Variants in ZC3H12B observed in about 807,000 individuals in gnomAD.
The protein encoded by ZC3H12B is zinc finger CCCH-type containing 12B.
Under a neutral mutation model 43.9 loss-of-function variants are expected in ZC3H12B, and 7 were observed. That is an observed-to-expected ratio of 0.16 (90% CI 0.09 to 0.30). The LOEUF (loss-of-function observed/expected upper bound fraction) is 0.30. Among genes scored for constraint, ZC3H12B ranks in the 10% least tolerant of loss-of-function variants. ZC3H12B has a pLI of 1.00. For synonymous variants in ZC3H12B, 222 were observed against 241.7 expected, an observed-to-expected ratio of 0.92 and a Z score of 0.76; for missense variants, 475 against 670.2, an observed-to-expected ratio of 0.71 and a Z score of 3.22.
At chrX:65,309,510 T>C in the ZC3H12B span, among the ~76,000 whole-genome samples, 1 of 111,785 alleles carries the variant, frequency 8.9e-6, no homozygotes, top group African/African-American at 3.3e-5. Context: ...ATTAATAGCC[T>C]ACCAATCAAA....
the ZC3H12B span, among the ~76,000 whole-genome samples, chrX:65,244,021 ATATAGT>A: frequency 9.0e-6 from 1 of 111,665 alleles, no homozygotes; most frequent in Non-Finnish European, 1.9e-5. Context: ...GAGTACAAAA[ATATAGT>A]TAGAGGGTAA....
At chrX:65,442,929 C>A (rs1230935588) in intron 3 of ZC3H12B, among the ~76,000 whole-genome samples, 2 of 110,955 alleles carry the variant, frequency 1.8e-5, no homozygotes, top group Non-Finnish European at 3.8e-5. Flanking sequence ...GCTCGAGGCG[C>A]TGCTTGAACA....
the ZC3H12B span, among the ~76,000 whole-genome samples, chrX:65,104,083 G>A: frequency 9.0e-6 from 1 of 110,673 alleles, no homozygotes; most frequent in South Asian, 3.8e-4. Context: ...ATAGACCAAT[G>A]GAACAGAACA....
At chrX:65,291,296 G>A in the ZC3H12B span, among the ~76,000 whole-genome samples, 5 of 111,476 alleles carry the variant, frequency 4.5e-5, no homozygotes, top group Non-Finnish European at 9.5e-5. Context: ...TTACTTCTTG[G>A]TATTTATTCA....
intron 3 of ZC3H12B, among the ~76,000 whole-genome samples, chrX:65,399,035 T>C (rs1359708538): frequency 8.9e-6 from 1 of 112,087 alleles, no homozygotes; most frequent in Non-Finnish European, 1.9e-5. Context: ...TCCAAACATA[T>C]TAAAGACGCA....
chrX:65,398,025 T>C (rs1255982300), intron 2 of ZC3H12B, among the ~76,000 whole-genome samples: 1 of 111,563 alleles, frequency 9.0e-6, no homozygotes, highest in Non-Finnish European at 1.9e-5. Context: ...GTAATCCCAT[T>C]TACAATAGCT....
the ZC3H12B span, among the ~76,000 whole-genome samples, chrX:65,276,711 C>G: frequency 9.0e-6 from 1 of 111,731 alleles, no homozygotes; most frequent in African/African-American, 3.2e-5. Flanking sequence ...AGTCTTACAT[C>G]TGGAAACTAT....
chrX:65,388,566 A>G (rs371666987), intron 2 of ZC3H12B, among the ~76,000 whole-genome samples: 3 of 110,400 alleles, frequency 2.7e-5, no homozygotes, highest in African/African-American at 9.9e-5. Flanking sequence ...AAAGTTTTTA[A>G]CTTCTTTGCC....
chrX:65,056,613 G>T, the ZC3H12B span, among the ~76,000 whole-genome samples: 4 of 111,464 alleles, frequency 3.6e-5, no homozygotes, highest in Admixed American at 3.8e-4. Flanking sequence ...GGTCCTCTTG[G>T]TGCAGAGCTG....
the ZC3H12B span, among the ~76,000 whole-genome samples, chrX:65,173,822 G>A: frequency 4.5e-5 from 5 of 111,686 alleles, no homozygotes; most frequent in Non-Finnish European, 9.4e-5. Context: ...GTGTTTTATT[G>A]AGGATTTTTG....
chrX:65,189,156 A>G, the ZC3H12B span, among the ~76,000 whole-genome samples: 2 of 105,069 alleles, frequency 1.9e-5, no homozygotes, highest in South Asian at 4.4e-4. Context: ...ATAGTATTCC[A>G]TGGTGTATAT....
the ZC3H12B span, among the ~76,000 whole-genome samples, chrX:65,212,569 ATAAT>A: frequency 1.3e-5 from 1 of 78,588 alleles, no homozygotes; most frequent in Non-Finnish European, 2.3e-5. Context: ...TATGTTATAT[ATAAT>A]TATACAGTAT....
At chrX:65,041,966 G>A in the ZC3H12B span, among the ~76,000 whole-genome samples, 1 of 111,836 alleles carries the variant, frequency 8.9e-6, no homozygotes, top group East Asian at 2.8e-4. Context: ...ACTTGAACTA[G>A]GGTGAAGCTG....
chrX:65,497,963 G>A (rs1465819707), intron 2 of ZC3H12B, among the ~76,000 whole-genome samples: 1 of 111,605 alleles, frequency 9.0e-6, no homozygotes, highest in Non-Finnish European at 1.9e-5. Flanking sequence ...GAATGCCATG[G>A]TGTGATCATG....
At chrX:65,151,667 G>A in the ZC3H12B span, among the ~76,000 whole-genome samples, 8 of 111,399 alleles carry the variant, frequency 7.2e-5, no homozygotes, top group African/African-American at 2.6e-4. Flanking sequence ...CGAGGGACTT[G>A]TACCATTCCT....
the ZC3H12B span, among the ~76,000 whole-genome samples, chrX:65,178,363 C>A: frequency 8.9e-6 from 1 of 111,919 alleles, no homozygotes; most frequent in Non-Finnish European, 1.9e-5. Flanking sequence ...GCAAAGACTT[C>A]ATGACGAAAA....
At chrX:65,188,679 G>A in the ZC3H12B span, among the ~76,000 whole-genome samples, 1 of 110,601 alleles carries the variant, frequency 9.0e-6, no homozygotes, top group Non-Finnish European at 1.9e-5. Flanking sequence ...TATGGTAAAT[G>A]AAATTATTTC....
the ZC3H12B span, among the ~76,000 whole-genome samples, chrX:65,073,603 G>C: frequency 8.9e-6 from 1 of 112,179 alleles, no homozygotes; most frequent in Non-Finnish European, 1.9e-5. Flanking sequence ...AGCCTAGGAA[G>C]ATGGCCATCC....
At chrX:65,192,362 G>T in the ZC3H12B span, among the ~76,000 whole-genome samples, 11 of 110,826 alleles carry the variant, frequency 9.9e-5, no homozygotes, top group Non-Finnish European at 1.5e-4. Context: ...TTGTCTGATT[G>T]CTCTAATTGG....
Sources: allele counts gnomAD v4.1 joint callset (sites outside exome capture counted in the v4.1 genomes callset), GRCh38; gene constraint gnomAD v4.1.1; transcripts MANE v1.5; gene names NCBI Gene and HGNC (gene_info 2026-07-23, HGNC 2026-07-21).